CCSER1: variants seen among roughly 807,000 people sequenced by gnomAD.
CCSER1 encodes the protein serine-rich coiled-coil domain-containing protein 1.
A neutral mutation model predicts 82.0 loss-of-function variants in CCSER1; 41 were observed. That is an observed-to-expected ratio of 0.50 (90% CI 0.39 to 0.65). CCSER1 has a LOEUF of 0.65. CCSER1 is among the 30% of genes least tolerant of loss of function. The pLI, the probability that CCSER1 is intolerant of heterozygous loss-of-function variation, is 0.00. For synonymous variants in CCSER1, 414 were observed against 383.9 expected (o/e 1.08, Z -0.92); for missense variants, 1,119 against 1,064.2 (o/e 1.05, Z -0.72).
At chr4:91,340,370 C>A (rs1747631152) in intron 10 of CCSER1, among the ~76,000 whole-genome samples, 1 of 152,096 alleles carries the variant, frequency 6.6e-6, no homozygotes, top group African/African-American at 2.4e-5. Context: ...TGATTTCCAT[C>A]AAATGCATTT....
intron 6 of CCSER1, among the ~76,000 whole-genome samples, chr4:90,688,029 C>G (rs1735138840): frequency 6.6e-6 from 1 of 152,066 alleles, no homozygotes; most frequent in Non-Finnish European, 1.5e-5. Context: ...ATAAACATTT[C>G]TTTAAATGCA....
chr4:90,283,610 T>C (rs1729277335), intron 1 of CCSER1, among the ~76,000 whole-genome samples: 1 of 152,090 alleles, frequency 6.6e-6, no homozygotes, highest in Admixed American at 6.6e-5. Context: ...TAGATCTTAT[T>C]CCTTATATCT....
intron 8 of CCSER1, among the ~76,000 whole-genome samples, chr4:90,844,751 GCC>G (rs1762994291): frequency 6.6e-6 from 1 of 151,588 alleles, no homozygotes; most frequent in Non-Finnish European, 1.5e-5. Context: ...TTATTTATAT[GCC>G]TATGGTTAAT....
chr4:90,497,693 T>A (rs1769249431), intron 5 of CCSER1, among the ~76,000 whole-genome samples: 1 of 152,248 alleles, frequency 6.6e-6, no homozygotes, highest in African/African-American at 2.4e-5. Flanking sequence ...CACTAATTAC[T>A]GTATTTGTTA....
intron 10 of CCSER1, among the ~76,000 whole-genome samples, chr4:91,457,539 G>A (rs188141817): frequency 2.4e-4 from 36 of 152,052 alleles, no homozygotes; most frequent in African/African-American, 4.8e-4. Flanking sequence ...GTGTGGTGGC[G>A]CATGCCTTTA....
intron 10 of CCSER1, among the ~76,000 whole-genome samples, chr4:91,347,513 C>G (rs1174785535): frequency 6.6e-6 from 1 of 151,824 alleles, no homozygotes. Flanking sequence ...AAATGACTCA[C>G]TGAGATTTCG....
At chr4:91,266,978 A>G (rs1741640951) in intron 10 of CCSER1, among the ~76,000 whole-genome samples, 1 of 152,174 alleles carries the variant, frequency 6.6e-6, no homozygotes, top group Admixed American at 6.5e-5. Context: ...CTGCACCTTC[A>G]ATATAAAACT....
rs186984685 is a variant in CCSER1, at chr4:91,394,255, A to T, written c.2218-204317A>T. Among the ~76,000 whole-genome samples the T allele has an allele frequency of 2.0e-3, 304 of 152,248 alleles. 1 individual carries two copies. Among genetic ancestry groups the T allele is most frequent in the Middle Eastern group, 6.8e-3 (2 of 294 alleles). On this transcript the variant is annotated intron_variant, in intron 10 of 10. Transcript: ENST00000509176. ...AATTGAAAAGGTAGTAAAAAATTAA[A>T]TATTATAGAAACCATAGATAACAAA...
intron 9 of CCSER1, among the ~76,000 whole-genome samples, chr4:90,972,631 A>T (rs71611417): frequency 0.067 from 10,166 of 151,766 alleles, 505 homozygotes; most frequent in East Asian, 0.2. Context: ...TCTTTACCAA[A>T]ATCTCTTATT....
At chr4:90,637,992 G>A (rs970663721) in intron 6 of CCSER1, among the ~76,000 whole-genome samples, 2 of 152,072 alleles carry the variant, frequency 1.3e-5, no homozygotes, top group African/African-American at 4.8e-5. Context: ...CCTTATTCGG[G>A]AATCACTTCC....
intron 9 of CCSER1, among the ~76,000 whole-genome samples, chr4:90,987,575 T>C (rs1736675458): frequency 6.6e-6 from 1 of 151,756 alleles, no homozygotes; most frequent in Admixed American, 6.6e-5. Context: ...CCATTCATAT[T>C]CAGGACTGTT....
chr4:91,377,614 A>G (rs904396378), intron 10 of CCSER1, among the ~76,000 whole-genome samples: 2 of 151,800 alleles, frequency 1.3e-5, no homozygotes, highest in African/African-American at 4.8e-5. Context: ...TTTTCTTGTA[A>G]ATTTGTTTGA....
At chr4:91,306,216 C>CATTA (rs1353041431) in intron 10 of CCSER1, among the ~76,000 whole-genome samples, 6 of 151,842 alleles carry the variant, frequency 4.0e-5, no homozygotes, top group Admixed American at 2.6e-4. Flanking sequence ...TTATCAGCTA[C>CATTA]ATTAATACTT....
At chr4:90,182,449 G>T (rs1007111000) in intron 1 of CCSER1, among the ~76,000 whole-genome samples, 3 of 152,050 alleles carry the variant, frequency 2.0e-5, no homozygotes, top group Non-Finnish European at 4.4e-5. Flanking sequence ...ATTCTTTACC[G>T]ATGTCTCTCT....
chr4:90,383,731 CT>C (rs145921382), intron 3 of CCSER1, among the ~76,000 whole-genome samples: 51,508 of 149,434 alleles, frequency 0.34, 9,047 homozygotes, highest in South Asian at 0.44. Flanking sequence ...TTCTTCCTTT[CT>C]TTTTTTTTTC....
At position 90,486,624 on chromosome 4, in the gene CCSER1, G is replaced by A. The variant is rs375721852; in HGVS notation, c.1724+18270G>A. Among the ~76,000 whole-genome samples, 6 of 152,298 alleles carry A rather than the reference G, an allele frequency of 3.9e-5. No individual in the cohort carries two copies. In the South Asian group the frequency reaches 1.2e-3, roughly 32 times the overall value. On this transcript the variant is annotated intron_variant, in intron 5 of 10. Coordinates refer to ENST00000509176, the MANE Select transcript of CCSER1 (RefSeq NM_001145065.2). ...TCTACTTTCTAGGTTTTTGTCTTCA[G>A]GTGGGTATCTGAGTCAGTTATGGAC...
chr4:90,219,506 A>C (rs1741727660), intron 1 of CCSER1, among the ~76,000 whole-genome samples: 1 of 152,176 alleles, frequency 6.6e-6, no homozygotes, highest in South Asian at 2.1e-4. Context: ...TATTATATAT[A>C]TGTTGTCGCC....
At chr4:90,837,024 C>G (rs1216503202) in intron 8 of CCSER1, among the ~76,000 whole-genome samples, 1 of 152,152 alleles carries the variant, frequency 6.6e-6, no homozygotes, top group Admixed American at 6.5e-5. Flanking sequence ...ATAGGCCACA[C>G]TGAATCATCT....
chr4:90,661,545 G>A (rs572884841), intron 6 of CCSER1, among the ~76,000 whole-genome samples: 1 of 152,276 alleles, frequency 6.6e-6, no homozygotes, highest in South Asian at 2.1e-4. Flanking sequence ...AGGCTGAAGC[G>A]CAATATGCAG....
Sources: allele counts gnomAD v4.1 joint callset (sites outside exome capture counted in the v4.1 genomes callset), GRCh38; gene constraint gnomAD v4.1.1; transcripts MANE v1.5; gene names NCBI Gene and HGNC (gene_info 2026-07-23, HGNC 2026-07-21).